The following GSTCD variants were observed in gnomAD, a reference collection of about 807,000 sequenced individuals.
GSTCD encodes glutathione S-transferase C-terminal domain containing, also known as glutathione S-transferase C-terminal domain-containing protein.
GSTCD carries 44 observed loss-of-function variants against 68.3 expected under a neutral mutation model. The observed-to-expected ratio is 0.64, with a 90% confidence interval of 0.51 to 0.83. The LOEUF (loss-of-function observed/expected upper bound fraction) is 0.83, where lower values mean the gene tolerates loss of function less well. Among genes scored for constraint, GSTCD ranks in the 40% least tolerant of loss-of-function variants. GSTCD has a pLI of 0.00. For missense variants in GSTCD, 739 were observed against 735.9 expected, an observed-to-expected ratio of 1.00 and a Z score of -0.05; for synonymous variants, 273 against 255.2, an observed-to-expected ratio of 1.07 and a Z score of -0.67.
At chr4:105,825,289 C>T (rs1022976758) in intron 7 of GSTCD, among the ~76,000 whole-genome samples, 10 of 152,000 alleles carry the variant, frequency 6.6e-5, no homozygotes, top group Non-Finnish European at 1.0e-4. Flanking sequence ...ACTACTATGC[C>T]CGGCTAATTT....
In GSTCD at chr4:105,749,023, C is replaced by T. The variant is rs74800257; in HGVS notation, c.1240+19524C>T. ...TAATAGGTTTTAATGAAAACCATAACTAATCTGGTGAGTTTTTAAAAATAA... is the reference window on the plus strand; with the variant it reads ...TAATAGGTTTTAATGAAAACCATAATTAATCTGGTGAGTTTTTAAAAATAA... On this transcript the variant is annotated intron_variant, in intron 5 of 11. Coordinates refer to ENST00000515279, the MANE Select transcript of GSTCD (RefSeq NM_001370181.1). Among the ~76,000 whole-genome samples, 454 of 151,750 alleles carry T rather than the reference C, an allele frequency of 3.0e-3. 10 individuals carry two copies. The East Asian group carries it at 0.065, about 22-fold the overall frequency.
At chr4:105,784,038 A>C (rs1268995128) in intron 5 of GSTCD, among the ~76,000 whole-genome samples, 13 of 152,202 alleles carry the variant, frequency 8.5e-5, no homozygotes, top group Non-Finnish European at 1.5e-4. Context: ...GTTAATGGTG[A>C]TGTTAAGTAC....
chr4:105,826,940 C>G (rs1560850142), intron 8 of GSTCD, among the ~76,000 whole-genome samples: 1 of 152,102 alleles, frequency 6.6e-6, no homozygotes, highest in African/African-American at 2.4e-5. Context: ...TAAATATTGA[C>G]TACTGCAAAT....
Position 105,744,883 on chromosome 4 carries a change from T to C in GSTCD, c.1240+15384T>C, listed in dbSNP as rs908872655. 4.8e-5 allele frequency among the ~76,000 whole-genome samples: 4 copies of C among 83,280 alleles called. No homozygotes were observed. The South Asian group carries it at 2.3e-3, about 48-fold the overall frequency. The allele number at this position is 83,280 out of a possible 152,430, so 54.6% of individuals were successfully genotyped here. ...CTCAGTAGGGACCTGTATGTATAGATCTATTAGGAAATAGATGTATGCATG... is the reference window on the plus strand; with the variant it reads ...CTCAGTAGGGACCTGTATGTATAGACCTATTAGGAAATAGATGTATGCATG... On this transcript the variant is annotated intron_variant, in intron 5 of 11. Coordinates refer to ENST00000515279, the MANE Select transcript of GSTCD (RefSeq NM_001370181.1).
intron 5 of GSTCD, among the ~76,000 whole-genome samples, chr4:105,768,682 A>G (rs1205684276): frequency 1.3e-5 from 2 of 151,918 alleles, no homozygotes; most frequent in African/African-American, 2.4e-5. Flanking sequence ...TTAGCATTCA[A>G]TATATATAAT....
At chr4:105,819,711 G>T (rs1356959270) in intron 5 of GSTCD, among the ~76,000 whole-genome samples, 1 of 151,546 alleles carries the variant, frequency 6.6e-6, no homozygotes, top group Non-Finnish European at 1.5e-5. Flanking sequence ...ACCTGTTCAA[G>T]GTTCTATTAG....
intron 5 of GSTCD, among the ~76,000 whole-genome samples, chr4:105,754,784 G>A (rs932636241): frequency 6.6e-6 from 1 of 151,914 alleles, no homozygotes; most frequent in Non-Finnish European, 1.5e-5. Context: ...ATAGGGTCAC[G>A]GCCTACCCCT....
chr4:105,741,411 C>T (rs920274611), intron 5 of GSTCD, among the ~76,000 whole-genome samples: 2 of 152,108 alleles, frequency 1.3e-5, no homozygotes, highest in African/African-American at 4.8e-5. Context: ...ATGGTACTTA[C>T]AATTGAATTT....
intron 5 of GSTCD, among the ~76,000 whole-genome samples, chr4:105,822,480 C>T (rs960000484): frequency 6.6e-6 from 1 of 152,006 alleles, no homozygotes. Flanking sequence ...AATATTTTTA[C>T]TTATTATGGA....
Position 105,717,706 on chromosome 4 carries a change from A to C in GSTCD, c.93A>C (p.Thr31=), listed in dbSNP as rs1200596867. 1 of 1,613,108 alleles carries C rather than the reference A, an allele frequency of 6.2e-7. No individual in the cohort carries two copies. The highest frequency in any genetic ancestry group is 1.3e-5 in the African/African-American group (1 of 74,908). Reference sequence around the variant, plus strand: ...AAGGATGCATCTTTCCTCTTCATACATCTGTAACTTTATTTCTGTTATCTT... The same window carrying C: ...AAGGATGCATCTTTCCTCTTCATACCTCTGTAACTTTATTTCTGTTATCTT... The part of the protein sequence containing the change: ...QTEGCIFPLH[T]SVTLFLLSYC... Residue 31 remains threonine, a synonymous_variant, in exon 2 of 12, where the codon ACA becomes ACC. Transcript: ENST00000515279.
At chr4:105,757,765 G>C (rs1029380338) in intron 5 of GSTCD, among the ~76,000 whole-genome samples, 11 of 152,098 alleles carry the variant, frequency 7.2e-5, no homozygotes, top group African/African-American at 2.7e-4. Flanking sequence ...TTCACAAGGA[G>C]ATATATTCCC....
intron 5 of GSTCD, chr4:105,807,202 A>G (rs2149264867): frequency 6.6e-6 from 1 of 152,180 alleles, no homozygotes; most frequent in East Asian, 1.9e-4. Context: ...TTTATCTGAC[A>G]TACACATTTT....
chr4:105,733,090 G>C (rs770583149), intron 5 of GSTCD, among the ~76,000 whole-genome samples: 1 of 152,182 alleles, frequency 6.6e-6, no homozygotes. Flanking sequence ...CATTTGCTGA[G>C]GAGTGCTTTA....
intron 5 of GSTCD, 61 bp from the exon 6 acceptor site, chr4:105,822,893 T>C (rs1479896554): frequency 4.9e-6 from 6 of 1,214,198 alleles, no homozygotes; most frequent in Non-Finnish European, 7.3e-6. Flanking sequence ...ATTTTAAGCG[T>C]GTCTTCTTGT....
chr4:105,842,165 G>T, intron 11 of GSTCD, 31 bp downstream of exon 11: 1 of 1,560,784 alleles, frequency 6.4e-7, no homozygotes, highest in Non-Finnish European at 8.8e-7. Flanking sequence ...GCTGTTGAGT[G>T]TATTATGCAC....
intron 11 of GSTCD, 126 bp downstream of exon 11, chr4:105,842,260 G>A: frequency 3.0e-6 from 2 of 677,436 alleles, no homozygotes; most frequent in Non-Finnish European, 2.6e-6. Flanking sequence ...AACTAAATAT[G>A]TTCTTCCCAA....
At chr4:105,814,193 A>G (rs1014561470) in intron 5 of GSTCD, among the ~76,000 whole-genome samples, 2 of 152,166 alleles carry the variant, frequency 1.3e-5, no homozygotes, top group Admixed American at 6.5e-5. Flanking sequence ...GCTATTTTAG[A>G]TCTGACATCC....
At chr4:105,764,200 T>C (rs1187542570) in intron 5 of GSTCD, among the ~76,000 whole-genome samples, 1 of 152,168 alleles carries the variant, frequency 6.6e-6, no homozygotes, top group East Asian at 1.9e-4. Flanking sequence ...AGCAAAAAAG[T>C]GAACAAGTTT....
chr4:105,793,126 A>G (rs1048404251), intron 5 of GSTCD, among the ~76,000 whole-genome samples: 2 of 152,002 alleles, frequency 1.3e-5, no homozygotes, highest in African/African-American at 4.8e-5. Context: ...ATTTGACCAT[A>G]TGCTAGCCTT....
Sources: allele counts gnomAD v4.1 joint callset (sites outside exome capture counted in the v4.1 genomes callset), GRCh38; gene constraint gnomAD v4.1.1; transcripts MANE v1.5; gene names NCBI Gene and HGNC (gene_info 2026-07-23, HGNC 2026-07-21).